The following MAF variants were observed in gnomAD, a reference collection of about 807,000 sequenced individuals.
MAF encodes the protein MAF bZIP transcription factor.
Under a neutral mutation model 22.0 loss-of-function variants are expected in MAF, and 10 were observed. The ratio of observed to expected loss-of-function variants is 0.45; its 90% CI spans 0.28 to 0.77. MAF has a LOEUF of 0.77. MAF is among the 30% of genes least tolerant of loss of function. The pLI is 0.12. For synonymous variants in MAF, 337 were observed against 255.8 expected, an observed-to-expected ratio of 1.32 and a Z score of -3.03; for missense variants, 544 against 548.4, an observed-to-expected ratio of 0.99 and a Z score of 0.08.
At chr16:79,281,831 A>C in the MAF span, among the ~76,000 whole-genome samples, 1 of 151,958 alleles carries the variant, frequency 6.6e-6, no homozygotes, top group Non-Finnish European at 1.5e-5. Flanking sequence ...AATCCATTAC[A>C]ATCCTTTACG....
At chr16:79,447,501 T>C in the MAF span, among the ~76,000 whole-genome samples, 2 of 152,204 alleles carry the variant, frequency 1.3e-5, no homozygotes, top group South Asian at 2.1e-4. Context: ...TTTTGAATTT[T>C]AAGTCTTTTT....
At chr16:79,365,945 C>T in the MAF span, among the ~76,000 whole-genome samples, 4 of 152,202 alleles carry the variant, frequency 2.6e-5, no homozygotes, top group Non-Finnish European at 1.5e-5. Flanking sequence ...ATGACTCCTT[C>T]GCCAATTGCG....
At position 79,594,666 on chromosome 16, in the gene MAF, T is replaced by G. The variant is rs566373269; in HGVS notation, c.1119-113A>C. ...TTTTTTTTTTTTAAATTTAGAGACT[T>G]ATTGTAATGAATGGCACTTACTCAG... On this transcript the variant is annotated intron_variant, in intron 1 of 1. Transcript: ENST00000326043. 4 of 1,513,002 alleles carry G rather than the reference T, an allele frequency of 2.6e-6. No homozygotes were observed. The South Asian group carries it at 5.1e-5, about 19-fold the overall frequency. 93.7% of individuals were successfully genotyped at this position (1,513,002 alleles called of 1,614,324 possible).
the MAF span, among the ~76,000 whole-genome samples, chr16:79,556,315 G>A: frequency 6.6e-6 from 1 of 152,136 alleles, no homozygotes; most frequent in Admixed American, 6.5e-5. Context: ...ATACCCAGTA[G>A]ATTCCTACCC....
At chr16:79,511,854 T>C in the MAF span, among the ~76,000 whole-genome samples, 1 of 152,212 alleles carries the variant, frequency 6.6e-6, no homozygotes, top group Non-Finnish European at 1.5e-5. Context: ...TCAGAGCTCA[T>C]GGTAATAAAT....
chr16:79,596,684 CTT>C (rs1176148304), intron 1 of MAF: 1 of 1,037,962 alleles, frequency 9.6e-7, no homozygotes, highest in Middle Eastern at 4.5e-4. Context: ...CTTTTCATTT[CTT>C]TTTAAAGACA....
At chr16:79,563,872 T>G in the MAF span, among the ~76,000 whole-genome samples, 4 of 152,320 alleles carry the variant, frequency 2.6e-5, no homozygotes, top group African/African-American at 9.6e-5. Flanking sequence ...CTACTCCTTT[T>G]TAATTTCACA....
the MAF span, among the ~76,000 whole-genome samples, chr16:79,246,697 C>T: frequency 9.6e-3 from 1,468 of 152,226 alleles, 28 homozygotes; most frequent in African/African-American, 0.033. Context: ...TGTCTTGGAA[C>T]ATCAGTCAAT....
chr16:79,267,633 G>C, the MAF span, among the ~76,000 whole-genome samples: 1 of 152,218 alleles, frequency 6.6e-6, no homozygotes, highest in African/African-American at 2.4e-5. Flanking sequence ...GTATGACATG[G>C]AGAGAGTTCT....
chr16:79,507,935 A>G, the MAF span, among the ~76,000 whole-genome samples: 1 of 152,172 alleles, frequency 6.6e-6, no homozygotes, highest in Admixed American at 6.5e-5. Flanking sequence ...GGTTTCATGA[A>G]AATCTCATTC....
the MAF span, among the ~76,000 whole-genome samples, chr16:79,403,094 T>A: frequency 5.3e-5 from 8 of 152,178 alleles, no homozygotes; most frequent in Non-Finnish European, 1.0e-4. Context: ...GCATGCCAGT[T>A]CTCTTATCTG....
At chr16:79,502,708 AATATATATATATATATATATAT>A in the MAF span, among the ~76,000 whole-genome samples, 8 of 34,008 alleles carry the variant, frequency 2.4e-4, 1 homozygote, top group African/African-American at 5.4e-4. Context: ...TATAAATATA[AATATATATATATATATATATAT>A]ATATATATAT....
At chr16:79,430,569 C>T in the MAF span, among the ~76,000 whole-genome samples, 18 of 152,218 alleles carry the variant, frequency 1.2e-4, no homozygotes, top group South Asian at 2.1e-4. Context: ...GCCCGGCACA[C>T]GGCAGGCACA....
chr16:79,476,082 C>T, the MAF span, among the ~76,000 whole-genome samples: 3 of 152,064 alleles, frequency 2.0e-5, no homozygotes, highest in East Asian at 5.8e-4. Context: ...TTTAAGCTTC[C>T]CCGAACTCTG....
At chr16:79,214,112 C>A in the MAF span, among the ~76,000 whole-genome samples, 1 of 152,178 alleles carries the variant, frequency 6.6e-6, no homozygotes, top group Non-Finnish European at 1.5e-5. Context: ...AGTCTCTGCT[C>A]ACGTTATCCC....
chr16:79,257,458 C>T, the MAF span, among the ~76,000 whole-genome samples: 87 of 152,246 alleles, frequency 5.7e-4, no homozygotes, highest in Non-Finnish European at 1.0e-3. Flanking sequence ...AATAAAGATG[C>T]ATACAGAAAA....
the MAF span, among the ~76,000 whole-genome samples, chr16:79,448,890 G>A: frequency 9.2e-5 from 14 of 152,168 alleles, no homozygotes; most frequent in Non-Finnish European, 1.5e-4. Context: ...GGGGGAGGCA[G>A]GGATGGTTTG....
chr16:79,235,067 C>A, the MAF span, among the ~76,000 whole-genome samples: 2 of 152,078 alleles, frequency 1.3e-5, no homozygotes, highest in Admixed American at 1.3e-4. Context: ...AGCTTACAGA[C>A]AGATGCAAAA....
At chr16:79,215,640 A>T in the MAF span, among the ~76,000 whole-genome samples, 20 of 151,946 alleles carry the variant, frequency 1.3e-4, no homozygotes, top group South Asian at 3.5e-3. Flanking sequence ...GCCTCGGGGA[A>T]CTTTGTAAGG....
Sources: gnomAD v4.1 joint callset for allele counts (sites outside exome capture counted in the v4.1 genomes callset) on GRCh38, gnomAD v4.1.1 for gene constraint, MANE v1.5 for transcripts, NCBI Gene and HGNC (gene_info 2026-07-23, HGNC 2026-07-21) for gene names.